Variants in PRR16 observed in about 807,000 individuals in gnomAD.
PRR16 encodes protein Largen.
PRR16 carries 6 observed loss-of-function variants against 18.2 expected under a neutral mutation model. The observed-to-expected ratio is 0.33, with a 90% CI of 0.18 to 0.65. The LOEUF is 0.65. PRR16 is among the 30% of genes least tolerant of loss of function. The pLI is 0.74. For synonymous variants in PRR16, 151 were observed against 147.8 expected, an observed-to-expected ratio of 1.02 and a Z score of -0.16; for missense variants, 412 against 376.6, an observed-to-expected ratio of 1.09 and a Z score of -0.78.
intron 1 of PRR16, among the ~76,000 whole-genome samples, chr5:120,617,551 C>T (rs1212080184): frequency 6.6e-6 from 1 of 152,060 alleles, no homozygotes; most frequent in African/African-American, 2.4e-5. Flanking sequence ...CAAGATTTAA[C>T]GTCCAAGGTA....
At chr5:120,762,790 C>T in the PRR16 span, among the ~76,000 whole-genome samples, 1 of 152,088 alleles carries the variant, frequency 6.6e-6, no homozygotes, top group Non-Finnish European at 1.5e-5. Flanking sequence ...AAAATACTTT[C>T]ATTAGTCTAT....
intron 1 of PRR16, among the ~76,000 whole-genome samples, chr5:120,525,784 G>A (rs1387311358): frequency 2.6e-5 from 4 of 152,176 alleles, no homozygotes; most frequent in South Asian, 4.2e-4. Flanking sequence ...TAAAACATAA[G>A]CCTTTAGGAG....
At chr5:120,582,640 T>C (rs1243354745) in intron 1 of PRR16, among the ~76,000 whole-genome samples, 1 of 152,200 alleles carries the variant, frequency 6.6e-6, no homozygotes, top group Non-Finnish European at 1.5e-5. Flanking sequence ...CTGGAGGCTT[T>C]TACCAAACAG....
the PRR16 span, among the ~76,000 whole-genome samples, chr5:120,763,856 G>A: frequency 6.6e-6 from 1 of 151,658 alleles, no homozygotes; most frequent in Non-Finnish European, 1.5e-5. Context: ...TTCTTTTTCA[G>A]CTAGTTTATT....
intron 1 of PRR16, among the ~76,000 whole-genome samples, chr5:120,601,954 TTAGTTACTG>T (rs1363328852): frequency 6.6e-6 from 1 of 152,114 alleles, no homozygotes; most frequent in African/African-American, 2.4e-5. Flanking sequence ...CCATGCTGTT[TTAGTTACTG>T]TAGCCTTGTA....
At chr5:120,694,627 G>T in the PRR16 span, among the ~76,000 whole-genome samples, 1 of 150,392 alleles carries the variant, frequency 6.6e-6, no homozygotes, top group African/African-American at 2.4e-5. Context: ...GGAGCTTGCA[G>T]TGAGCCGAGA....
intron 1 of PRR16, among the ~76,000 whole-genome samples, chr5:120,528,119 T>C (rs1262555233): frequency 1.3e-5 from 2 of 152,202 alleles, no homozygotes; most frequent in African/African-American, 4.8e-5. Flanking sequence ...GAACATCTTA[T>C]GATCCTGGGA....
intron 1 of PRR16, among the ~76,000 whole-genome samples, chr5:120,590,863 A>G (rs1168116498): frequency 6.6e-6 from 1 of 152,186 alleles, no homozygotes; most frequent in Non-Finnish European, 1.5e-5. Flanking sequence ...TCAATTACTC[A>G]TAATTGTTCA....
At chr5:120,597,168 G>A (rs1325574845) in intron 1 of PRR16, among the ~76,000 whole-genome samples, 1 of 151,358 alleles carries the variant, frequency 6.6e-6, no homozygotes, top group African/African-American at 2.4e-5. Flanking sequence ...TTGATTTATA[G>A]AAGACTTTAT....
At chr5:120,750,498 A>C in the PRR16 span, among the ~76,000 whole-genome samples, 4 of 150,572 alleles carry the variant, frequency 2.7e-5, no homozygotes, top group Non-Finnish European at 4.4e-5. Context: ...GTCTCTACTA[A>C]AAAAAAAACA....
At chr5:120,491,453 CCTTTCCTTTCCTTTCCTTTCCT>C (rs1750040325) in intron 1 of PRR16, among the ~76,000 whole-genome samples, 1 of 126,028 alleles carries the variant, frequency 7.9e-6, no homozygotes, top group Non-Finnish European at 1.6e-5. Flanking sequence ...CCTTTCCTTT[CCTTTCCTTTCCTTTCCTTTCCT>C]TTCCTTTCTT....
intron 1 of PRR16, among the ~76,000 whole-genome samples, chr5:120,555,515 G>A (rs1318964211): frequency 6.6e-6 from 1 of 151,542 alleles, no homozygotes; most frequent in Non-Finnish European, 1.5e-5. Flanking sequence ...GTGGGGTGGG[G>A]TGTGTGTGTG....
chr5:120,600,816 A>T (rs575266085), intron 1 of PRR16, among the ~76,000 whole-genome samples: 9 of 151,990 alleles, frequency 5.9e-5, no homozygotes, highest in Non-Finnish European at 1.3e-4. Context: ...ACAAGTGAGA[A>T]CATGAAGTAT....
At chr5:120,612,234 A>C (rs1378218554) in intron 1 of PRR16, among the ~76,000 whole-genome samples, 4 of 152,182 alleles carry the variant, frequency 2.6e-5, no homozygotes, top group Admixed American at 2.0e-4. Flanking sequence ...GTAGAAGAGA[A>C]TTGCCTTGTC....
At chr5:120,703,772 G>C in the PRR16 span, among the ~76,000 whole-genome samples, 12 of 152,158 alleles carry the variant, frequency 7.9e-5, no homozygotes, top group African/African-American at 2.9e-4. Context: ...TAAAAAGTGT[G>C]ACATTTACTT....
intron 1 of PRR16, among the ~76,000 whole-genome samples, chr5:120,607,159 C>T (rs1754181304): frequency 6.6e-6 from 1 of 152,068 alleles, no homozygotes; most frequent in African/African-American, 2.4e-5. Context: ...TTTCAATAAA[C>T]TATTTGAGAC....
chr5:120,777,138 A>G, the PRR16 span, among the ~76,000 whole-genome samples: 1 of 152,096 alleles, frequency 6.6e-6, no homozygotes, highest in African/African-American at 2.4e-5. Context: ...CAGGGCAAAG[A>G]GACATTTTCG....
intron 1 of PRR16, among the ~76,000 whole-genome samples, chr5:120,547,611 C>T (rs544877530): frequency 1.3e-5 from 2 of 151,360 alleles, no homozygotes; most frequent in South Asian, 2.1e-4. Context: ...TCTGTAAGAA[C>T]ATATTGATAA....
chr5:120,490,120 A>T (rs1466190956), intron 1 of PRR16, among the ~76,000 whole-genome samples: 1 of 151,944 alleles, frequency 6.6e-6, no homozygotes, highest in African/African-American at 2.4e-5. Context: ...GAGTCTGACA[A>T]TTATGTGTCT....
Sources: allele counts gnomAD v4.1 joint callset (sites outside exome capture counted in the v4.1 genomes callset), GRCh38; gene constraint gnomAD v4.1.1; transcripts MANE v1.5; gene names NCBI Gene and HGNC (gene_info 2026-07-23, HGNC 2026-07-21).